NEK10: variants seen among roughly 807,000 people sequenced by gnomAD.
The protein encoded by NEK10 is serine/threonine-protein kinase Nek10.
Under a neutral mutation model 159.8 loss-of-function variants are expected in NEK10, and 122 were observed. The ratio of observed to expected loss-of-function variants is 0.76; its 90% CI spans 0.66 to 0.89. The LOEUF (loss-of-function observed/expected upper bound fraction) is 0.89, where lower values mean the gene tolerates loss of function less well. Ranked by LOEUF, NEK10 falls within the 40% of genes least tolerant of loss-of-function variation. NEK10 has a pLI of 0.00. For synonymous variants in NEK10, 466 were observed against 457.1 expected (o/e 1.02, Z -0.25); for missense variants, 1,342 against 1,323.1 (o/e 1.01, Z -0.22).
At chr3:27,181,789 A>C (rs1295757282) in intron 26 of NEK10, among the ~76,000 whole-genome samples, 1 of 152,190 alleles carries the variant, frequency 6.6e-6, no homozygotes, top group Non-Finnish European at 1.5e-5. Context: ...CTGTATCAGG[A>C]GAATACTAGA....
At chr3:27,261,631 CT>C (rs1398132613) in intron 22 of NEK10, among the ~76,000 whole-genome samples, 3 of 152,144 alleles carry the variant, frequency 2.0e-5, no homozygotes, top group Non-Finnish European at 4.4e-5. Flanking sequence ...CTGAGGAGTG[CT>C]TTACTTCCAA....
At chr3:27,219,506 A>G (rs113601047) in intron 23 of NEK10, among the ~76,000 whole-genome samples, 1,754 of 152,222 alleles carry the variant, frequency 0.012, 10 homozygotes, top group South Asian at 0.021. Context: ...TGTCTTTTCT[A>G]TCTCTTTAGT....
intron 23 of NEK10, among the ~76,000 whole-genome samples, chr3:27,228,654 C>T (rs977410407): frequency 7.9e-5 from 12 of 152,080 alleles, no homozygotes; most frequent in African/African-American, 2.9e-4. Context: ...CTATAGACAG[C>T]CTTCCTGGAA....
chr3:27,124,712 G>A (rs1303522425), intron 32 of NEK10, among the ~76,000 whole-genome samples: 5 of 152,148 alleles, frequency 3.3e-5, no homozygotes, highest in African/African-American at 9.7e-5. Context: ...GAAGGAAAAC[G>A]GATGCTTTCA....
At chr3:27,309,052 C>G in intron 9 of NEK10, 47 bp from the exon 10 acceptor site, 2 of 945,992 alleles carry the variant, frequency 2.1e-6, no homozygotes, top group South Asian at 3.0e-5. Context: ...GTACTACAAG[C>G]TTCTTTTTTC....
At chr3:27,325,652 C>T (rs1226352963) in intron 5 of NEK10, among the ~76,000 whole-genome samples, 2 of 152,178 alleles carry the variant, frequency 1.3e-5, no homozygotes, top group African/African-American at 2.4e-5. Flanking sequence ...ACACTCCACC[C>T]CAAGCCACTC....
chr3:27,317,573 T>A (rs1428437456), intron 6 of NEK10, among the ~76,000 whole-genome samples: 1 of 152,188 alleles, frequency 6.6e-6, no homozygotes, highest in South Asian at 2.1e-4. Flanking sequence ...AATATAATAC[T>A]GGTAAAAAGT....
At chr3:27,237,358 A>G (rs567786726) in intron 23 of NEK10, among the ~76,000 whole-genome samples, 165 of 152,328 alleles carry the variant, frequency 1.1e-3, no homozygotes, top group African/African-American at 3.5e-3. Context: ...AGGCATAAGA[A>G]ATTATAAGAG....
chr3:27,307,560 T>G (rs2044338140), intron 11 of NEK10, among the ~76,000 whole-genome samples: 1 of 152,170 alleles, frequency 6.6e-6, no homozygotes, highest in African/African-American at 2.4e-5. Context: ...ACCTCAGAGT[T>G]TCTTTCCCTA....
chr3:27,139,728 T>A (rs1036295244), intron 31 of NEK10, among the ~76,000 whole-genome samples: 2 of 152,176 alleles, frequency 1.3e-5, no homozygotes, highest in African/African-American at 4.8e-5. Flanking sequence ...GAGGGTAAAA[T>A]GCCAGAGCTT....
intron 22 of NEK10, among the ~76,000 whole-genome samples, chr3:27,267,098 T>G (rs1036431326): frequency 1.3e-5 from 2 of 152,180 alleles, no homozygotes; most frequent in African/African-American, 4.8e-5. Context: ...AACAGCTTCC[T>G]ACTGAGTTCT....
intron 23 of NEK10, among the ~76,000 whole-genome samples, chr3:27,250,092 A>T (rs1168127163): frequency 6.6e-6 from 1 of 151,888 alleles, no homozygotes; most frequent in Non-Finnish European, 1.5e-5. Context: ...TGTTGTAGTT[A>T]TTTTTATTGA....
chr3:27,322,095 G>A, intron 6 of NEK10, 82 bp downstream of exon 6: 2 of 689,578 alleles, frequency 2.9e-6, no homozygotes, highest in South Asian at 3.7e-5. Context: ...AGTAAACATG[G>A]ACTACTTCAA....
chr3:27,128,460 C>G (rs1250960970), intron 32 of NEK10, among the ~76,000 whole-genome samples: 1 of 152,104 alleles, frequency 6.6e-6, no homozygotes, highest in Non-Finnish European at 1.5e-5. Flanking sequence ...ATCCCTTTGG[C>G]ACTTATTAGC....
chr3:27,309,343 T>C (rs956116385), intron 9 of NEK10: 1 of 156,844 alleles, frequency 6.4e-6, no homozygotes, highest in Non-Finnish European at 1.4e-5. Flanking sequence ...GCTTTACCCA[T>C]AGAATAGTGA....
intron 23 of NEK10, among the ~76,000 whole-genome samples, chr3:27,239,624 A>T (rs1488838102): frequency 6.6e-6 from 1 of 152,200 alleles, no homozygotes; most frequent in Non-Finnish European, 1.5e-5. Context: ...GGTTCACATG[A>T]CTTTCCTAAG....
At chr3:27,163,584 C>A (rs1415893592) in intron 29 of NEK10, among the ~76,000 whole-genome samples, 6 of 151,902 alleles carry the variant, frequency 3.9e-5, no homozygotes, top group Non-Finnish European at 8.8e-5. Flanking sequence ...GATCTCCTGA[C>A]GTCATGATCC....
At chr3:27,142,571 C>T (rs1389206000) in intron 30 of NEK10, among the ~76,000 whole-genome samples, 1 of 151,400 alleles carries the variant, frequency 6.6e-6, no homozygotes, top group African/African-American at 2.4e-5. Context: ...CAACATTGAG[C>T]TACTATGAAG....
intron 23 of NEK10, among the ~76,000 whole-genome samples, chr3:27,247,997 G>A (rs1341927850): frequency 2.0e-5 from 3 of 151,766 alleles, no homozygotes; most frequent in Admixed American, 1.3e-4. Context: ...AAGCCATTGG[G>A]TCTCAGGTTT....
Sources: allele counts gnomAD v4.1 joint callset (sites outside exome capture counted in the v4.1 genomes callset), GRCh38; gene constraint gnomAD v4.1.1; transcripts MANE v1.5; gene names NCBI Gene and HGNC (gene_info 2026-07-23, HGNC 2026-07-21).